Variants in SGPL1 observed in about 807,000 individuals in gnomAD.
SGPL1 encodes SP-lyase 1.
Under a neutral mutation model 68.9 loss-of-function variants are expected in SGPL1, and 37 were observed. The observed-to-expected ratio is 0.54, with a 90% CI of 0.41 to 0.71. The LOEUF is 0.71. SGPL1 is among the 30% of genes least tolerant of loss of function. The probability of loss-of-function intolerance (pLI) is 0.00; values close to 1 mark genes in which losing one functional copy is unlikely to be tolerated. For missense variants in SGPL1, 551 were observed against 704.6 expected, an observed-to-expected ratio of 0.78 and a Z score of 2.47; for synonymous variants, 236 against 248.5, an observed-to-expected ratio of 0.95 and a Z score of 0.47.
At chr10:70,848,581 C>T (rs1038801951) in intron 3 of SGPL1, among the ~76,000 whole-genome samples, 52 of 145,016 alleles carry the variant, frequency 3.6e-4, no homozygotes, top group African/African-American at 1.1e-3. Flanking sequence ...TCACTTGCTT[C>T]AGCCTCCCGA....
intron 3 of SGPL1, among the ~76,000 whole-genome samples, chr10:70,850,852 A>C (rs777264714): frequency 5.1e-5 from 7 of 137,044 alleles, no homozygotes; most frequent in Non-Finnish European, 7.8e-5. Flanking sequence ...ACGTGTATGC[A>C]TAAGGAAACT....
chr10:70,824,388 G>A (rs918354516), intron 2 of SGPL1, among the ~76,000 whole-genome samples: 24 of 152,178 alleles, frequency 1.6e-4, no homozygotes, highest in Non-Finnish European at 4.4e-5. Flanking sequence ...CTTTGCTCCT[G>A]AAGTAAATAT....
intron 2 of SGPL1, among the ~76,000 whole-genome samples, chr10:70,821,926 A>G (rs964082903): frequency 2.0e-5 from 3 of 152,202 alleles, no homozygotes; most frequent in African/African-American, 7.2e-5. Context: ...AATTCTTAAG[A>G]AATGCTGTCC....
intron 2 of SGPL1, among the ~76,000 whole-genome samples, chr10:70,830,612 TTTAC>T (rs1845518512): frequency 1.3e-5 from 2 of 152,222 alleles, no homozygotes; most frequent in African/African-American, 2.4e-5. Flanking sequence ...TTGGGCTTAC[TTTAC>T]TTATATAGGA....
intron 7 of SGPL1, among the ~76,000 whole-genome samples, chr10:70,863,161 A>G (rs1246999715): frequency 1.3e-5 from 2 of 151,494 alleles, no homozygotes. Context: ...TAATTTTTGT[A>G]TTTTTAGTAG....
chr10:70,872,056 G>C lies in SGPL1; in HGVS notation c.1059+70G>C, dbSNP rs565633566. On this transcript the variant is annotated intron_variant, in intron 11 of 14. Transcript: ENST00000373202. ...CTATTATTGATAAAATAAATTGGTA[G>C]CTTCCCCGCAAAGTATAAAATTAAC... 5 of 1,461,598 alleles carry C rather than the reference G, an allele frequency of 3.4e-6. No homozygotes were observed. The African/African-American group carries it at 7.1e-5, about 21-fold the overall frequency. The allele number at this position is 1,461,598 out of a possible 1,614,324, so 90.5% of individuals were successfully genotyped here. A position where few individuals can be genotyped will look rare whatever the true frequency, so the allele number is the denominator to read the frequency against.
At chr10:70,856,273 GGTGTGAGCCACT>G (rs1240368653) in intron 5 of SGPL1, among the ~76,000 whole-genome samples, 1 of 152,200 alleles carries the variant, frequency 6.6e-6, no homozygotes, top group Non-Finnish European at 1.5e-5. Flanking sequence ...TAGGATTACA[GGTGTGAGCCACT>G]GTGCTCGGCC....
rs895240824 is a variant in SGPL1, at chr10:70,870,062, T to C, written c.810+165T>C. The C allele has an allele frequency of 3.5e-5, 19 of 539,092 alleles. No homozygotes were observed. In the South Asian group the frequency reaches 5.0e-4, roughly 14 times the overall value. 33.4% of individuals were successfully genotyped at this position (539,092 alleles called of 1,614,324 possible). On this transcript the variant is annotated intron_variant, in intron 9 of 14. Transcript: ENST00000373202. ...TGGTGATTGACTGCAGCTTCAGTCT[T>C]TTCATAGGTTCATGAATTCTGAAAG...
intron 2 of SGPL1, among the ~76,000 whole-genome samples, chr10:70,835,040 A>G (rs761373228): frequency 5.3e-5 from 8 of 152,124 alleles, no homozygotes; most frequent in South Asian, 2.1e-4. Context: ...TGCAGATTCA[A>G]CCCACTGCCA....
In SGPL1 at chr10:70,875,486, C is replaced by G; in HGVS notation, c.1383C>G (p.Tyr461Ter). Residue 461 changes from tyrosine (Y) to a stop codon, truncating the protein, a stop_gained, in exon 13 of 15, where the codon TAC becomes TAG. Coordinates refer to ENST00000373202, the MANE Select transcript of SGPL1 (RefSeq NM_003901.4). LOFTEE classifies it high-confidence loss of function. ...TGGGATCCCGTGATTTTGACATCTA[C>G]CGACTATCAAACCTGATGACTGCTA... The part of the protein sequence containing the change: ...IALGSRDFDI[Y>*]RLSNLMTAKG... The G allele has an allele frequency of 6.2e-7, 1 of 1,612,938 alleles. No individual in the cohort carries two copies. Among genetic ancestry groups the G allele is most frequent in the Non-Finnish European group, 8.5e-7 (1 of 1,178,978 alleles).
chr10:70,830,362 G>C (rs75189301), intron 2 of SGPL1, among the ~76,000 whole-genome samples: 10,646 of 152,232 alleles, frequency 0.07, 490 homozygotes, highest in African/African-American at 0.1. Flanking sequence ...AGTCTACTTT[G>C]TGTAGATTTG....
chr10:70,857,260 A>T (rs1251187478), intron 5 of SGPL1: 1 of 222,402 alleles, frequency 4.5e-6, no homozygotes, highest in Non-Finnish European at 8.9e-6. Context: ...TTGCAGAAAA[A>T]GGCCACTCCA....
chr10:70,829,692 G>T (rs573739824), intron 2 of SGPL1, among the ~76,000 whole-genome samples: 10 of 152,266 alleles, frequency 6.6e-5, no homozygotes, highest in African/African-American at 2.2e-4. Context: ...CAGCTTCTAA[G>T]TGAGAGCTAA....
intron 5 of SGPL1, among the ~76,000 whole-genome samples, chr10:70,856,125 G>A (rs1256531622): frequency 3.3e-5 from 5 of 152,068 alleles, no homozygotes; most frequent in Non-Finnish European, 7.3e-5. Flanking sequence ...CTCCCAAGTA[G>A]CTGAGATTAC....
intron 7 of SGPL1, 64 bp from the exon 8 acceptor site, chr10:70,868,281 C>G: frequency 9.1e-7 from 1 of 1,099,586 alleles, no homozygotes; most frequent in East Asian, 2.4e-5. Flanking sequence ...TTGTCAAGAT[C>G]AGGGCATGAA....
At chr10:70,857,855 AT>A (rs1330227088) in intron 6 of SGPL1, among the ~76,000 whole-genome samples, 165 bp downstream of exon 6, 1 of 152,252 alleles carries the variant, frequency 6.6e-6, no homozygotes, top group Admixed American at 6.5e-5. Context: ...AATATGTATA[AT>A]ATTATCAAAG....
intron 4 of SGPL1, 23 bp downstream of exon 4, chr10:70,851,233 A>T (rs1012821926): frequency 3.5e-5 from 55 of 1,564,414 alleles, no homozygotes; most frequent in Non-Finnish European, 4.6e-5. Context: ...TGTGTATGTC[A>T]TTTTTTCCCC....
intron 5 of SGPL1, among the ~76,000 whole-genome samples, chr10:70,855,559 A>C (rs1399256313): frequency 2.6e-5 from 4 of 152,234 alleles, no homozygotes; most frequent in African/African-American, 9.6e-5. Context: ...CTTACCTGAA[A>C]AGATGATTAT....
At chr10:70,874,392 A>C (rs1846349599) in intron 12 of SGPL1, among the ~76,000 whole-genome samples, 2 of 152,180 alleles carry the variant, frequency 1.3e-5, no homozygotes, top group African/African-American at 4.8e-5. Flanking sequence ...GACCAACCGG[A>C]GCAACATAGT....
Sources: allele counts gnomAD v4.1 joint callset (sites outside exome capture counted in the v4.1 genomes callset), GRCh38; gene constraint gnomAD v4.1.1; transcripts MANE v1.5; gene names NCBI Gene and HGNC (gene_info 2026-07-23, HGNC 2026-07-21).